Variants in CDKL5 observed in about 807,000 individuals in gnomAD.
The protein encoded by CDKL5 is cyclin-dependent kinase-like 5.
In CDKL5, 8 loss-of-function variants were observed where a neutral mutation model predicts 61.7. That is an observed-to-expected ratio of 0.13 (90% CI 0.08 to 0.23). The LOEUF (loss-of-function observed/expected upper bound fraction) is 0.23. CDKL5 is among the 10% of genes least tolerant of loss of function. The pLI, the probability that CDKL5 is intolerant of heterozygous loss-of-function variation, is 1.00. For missense variants in CDKL5, 440 were observed against 734.5 expected, an observed-to-expected ratio of 0.60 and a Z score of 4.63; for synonymous variants, 275 against 272.3, an observed-to-expected ratio of 1.01 and a Z score of -0.10.
In CDKL5 at chrX:18,604,380, G is replaced by A. The variant is rs867535910; in HGVS notation, c.1456G>A (p.Ala486Thr). ...TAGGAGTCCCTCCTACAGGACCAAG[G>A]CCAAAAGCCATGGGGCACTGAGTGA... The part of the protein sequence containing the change: ...SSRSPSYRTK[A>T]KSHGALSDSK... The change falls in exon 12 of 18, where the codon GCC becomes ACC. Residue 486 changes from alanine (A) to threonine (T), a missense_variant. Ala to Thr is a moderately conservative substitution (Grantham distance 58). This residue lies in a region of CDKL5 where 363 missense variants were observed against 516.3 expected (regional missense o/e 0.70). Coordinates refer to ENST00000623535, the MANE Select transcript of CDKL5 (RefSeq NM_001323289.2). 1 of 1,209,701 alleles carries A rather than the reference G, an allele frequency of 8.3e-7. No homozygotes were observed. The highest frequency in any genetic ancestry group is 1.1e-6 in the Non-Finnish European group (1 of 894,121).
chrX:18,650,945 G>A (rs777198671), intron 21 of CDKL5, among the ~76,000 whole-genome samples: 2 of 112,290 alleles, frequency 1.8e-5, no homozygotes, highest in South Asian at 3.7e-4. Flanking sequence ...TGTAGAGTTC[G>A]TAGAGCACAG....
At chrX:18,451,979 C>T (rs149226779) in intron 1 of CDKL5, among the ~76,000 whole-genome samples, 1 of 112,266 alleles carries the variant, frequency 8.9e-6, no homozygotes, top group East Asian at 2.8e-4. Flanking sequence ...TGTGCTGATA[C>T]TGATTTAACT....
At chrX:18,542,801 T>A (rs1055385399) in intron 3 of CDKL5, among the ~76,000 whole-genome samples, 1 of 110,453 alleles carries the variant, frequency 9.1e-6, no homozygotes, top group African/African-American at 3.3e-5. Context: ...CTTGGTCCCA[T>A]TGATACCACC....
chrX:18,495,289 CAAAG>C (rs998867807), intron 1 of CDKL5, among the ~76,000 whole-genome samples: 2 of 112,219 alleles, frequency 1.8e-5, no homozygotes, highest in Non-Finnish European at 3.8e-5. Flanking sequence ...ATTTCAGTAA[CAAAG>C]AAAACATTCA....
At chrX:18,494,427 C>CT (rs935916095) in intron 1 of CDKL5, among the ~76,000 whole-genome samples, 22 of 106,556 alleles carry the variant, frequency 2.1e-4, no homozygotes, top group South Asian at 4.0e-4. Flanking sequence ...TTTTGTATTT[C>CT]TTTTTTTTTT....
intron 3 of CDKL5, among the ~76,000 whole-genome samples, chrX:18,540,543 A>C (rs937821530): frequency 9.0e-6 from 1 of 110,647 alleles, no homozygotes; most frequent in Non-Finnish European, 1.9e-5. Context: ...TTTGCTAGCT[A>C]CTTCTCTTTG....
chrX:18,591,921 T>C (rs1925844900), intron 9 of CDKL5, among the ~76,000 whole-genome samples: 1 of 112,498 alleles, frequency 8.9e-6, no homozygotes, highest in South Asian at 3.7e-4. Context: ...AGTAGCTGTT[T>C]GCAAATATGT....
chrX:18,511,724 G>C (rs1261774783), intron 3 of CDKL5, among the ~76,000 whole-genome samples: 1 of 111,999 alleles, frequency 8.9e-6, no homozygotes, highest in Non-Finnish European at 1.9e-5. Flanking sequence ...TTGTCATTAA[G>C]TGATGCATGA....
chrX:18,616,771 G>GAATT (rs1465249383), intron 15 of CDKL5, among the ~76,000 whole-genome samples: 1 of 111,899 alleles, frequency 8.9e-6, no homozygotes, highest in Non-Finnish European at 1.9e-5. Context: ...TACTCCCGTA[G>GAATT]AATTATTCAC....
chrX:18,504,945 A>C (rs1368695341), intron 1 of CDKL5, among the ~76,000 whole-genome samples: 1 of 110,359 alleles, frequency 9.1e-6, no homozygotes, highest in Non-Finnish European at 1.9e-5. Context: ...AAAAAAAAAA[A>C]AAAAGAAAGT....
chrX:18,626,719 TCTCTCCCCC>T, intron 17 of CDKL5: 1 of 34,514 alleles, frequency 2.9e-5, no homozygotes, highest in Non-Finnish European at 4.6e-5. Flanking sequence ...TCTCTCTCTC[TCTCTCCCCC>T]CTCTCTCCCC....
At chrX:18,560,857 C>A in intron 3 of CDKL5, among the ~76,000 whole-genome samples, 1 of 110,011 alleles carries the variant, frequency 9.1e-6, no homozygotes, top group South Asian at 3.8e-4. Context: ...AAGGAAAAGT[C>A]CTAACAGTAT....
chrX:18,522,222 T>C (rs1042781254), intron 3 of CDKL5, among the ~76,000 whole-genome samples: 2 of 110,866 alleles, frequency 1.8e-5, no homozygotes, highest in Non-Finnish European at 3.8e-5. Context: ...TTTTGTAGTT[T>C]TCAGTGTGCT....
intron 1 of CDKL5, among the ~76,000 whole-genome samples, chrX:18,443,449 G>A (rs1178429559): frequency 2.7e-5 from 3 of 111,924 alleles, no homozygotes; most frequent in African/African-American, 9.7e-5. Context: ...CATCATCCAG[G>A]TAATAAGCCC....
chrX:18,651,270 A>T lies in CDKL5; in HGVS notation c.2980+678A>T, dbSNP rs868109050. Among the ~76,000 whole-genome samples, 698 of 105,060 alleles carry T rather than the reference A, an allele frequency of 6.6e-3. 8 individuals carry two copies. Among genetic ancestry groups the T allele is most frequent in the African/African-American group, 0.023 (641 of 27,625 alleles). 91.2% of individuals were successfully genotyped at this position (105,060 alleles called of 115,157 possible). A position where few individuals can be genotyped will look rare whatever the true frequency, so the allele number is the denominator to read the frequency against. On this transcript the variant is annotated intron_variant, in intron 21 of 21. Coordinates refer to the CDKL5 transcript ENST00000379989. ...GTGTGTGTGTGTGTGTGTGTGAGAGAGAGAGAGAGAGAGAGAGACAGAGAG... is the reference window on the plus strand; with the variant it reads ...GTGTGTGTGTGTGTGTGTGTGAGAGTGAGAGAGAGAGAGAGAGACAGAGAG...
At chrX:18,489,126 G>T (rs1202952752) in intron 1 of CDKL5, among the ~76,000 whole-genome samples, 2 of 109,708 alleles carry the variant, frequency 1.8e-5, no homozygotes, top group African/African-American at 3.3e-5. Flanking sequence ...TTTTAAGTCT[G>T]TTTTTTTTGG....
intron 1 of CDKL5, among the ~76,000 whole-genome samples, chrX:18,467,734 G>T (rs1311130656): frequency 8.9e-6 from 1 of 111,884 alleles, no homozygotes. Flanking sequence ...ACCATTGCAG[G>T]TTCATCTCCA....
intron 3 of CDKL5, among the ~76,000 whole-genome samples, chrX:18,541,432 CCT>C (rs1220758056): frequency 8.9e-6 from 1 of 112,247 alleles, no homozygotes; most frequent in Admixed American, 9.4e-5. Context: ...CAGATTCTTT[CCT>C]CTGTTTTCTC....
chrX:18,564,457 C>CT lies in CDKL5; in HGVS notation c.100-19dup. ...AAAACACTGGAGAATGACTTTCCTT[C>CT]TGCTTCTTTTCCCTTGCAGGAAACA... On this transcript the variant is annotated intron_variant, in intron 3 of 17. Transcript: ENST00000623535. The CT allele has an allele frequency of 8.6e-7, 1 of 1,159,121 alleles. No individual in the cohort carries two copies. Among genetic ancestry groups the CT allele is most frequent in the East Asian group, 3.0e-5 (1 of 32,840 alleles).
Sources: allele counts gnomAD v4.1 joint callset (sites outside exome capture counted in the v4.1 genomes callset), GRCh38; gene constraint gnomAD v4.1.1; regional missense constraint gnomAD v4.1.1; transcripts MANE v1.5; gene names NCBI Gene and HGNC (gene_info 2026-07-23, HGNC 2026-07-21).